CIMIP6: variants seen among roughly 807,000 people sequenced by gnomAD.
CIMIP6 encodes ciliary microtubule inner protein 6, also known as uncharacterized protein C2orf73.
the CIMIP6 span, among the ~76,000 whole-genome samples, chr2:54,362,867 A>T: frequency 6.6e-6 from 1 of 152,160 alleles, no homozygotes; most frequent in East Asian, 1.9e-4. Flanking sequence ...TTCTCATGGT[A>T]CTTCGCCACT....
chr2:54,382,084 A>G, the CIMIP6 span: 2 of 1,359,960 alleles, frequency 1.5e-6, no homozygotes, highest in South Asian at 3.5e-5. Context: ...TAATAAAGTC[A>G]GTCTGATTAC....
At chr2:54,355,154 T>G in the CIMIP6 span, among the ~76,000 whole-genome samples, 1 of 151,548 alleles carries the variant, frequency 6.6e-6, no homozygotes, top group Non-Finnish European at 1.5e-5. Flanking sequence ...CTTTTAATAT[T>G]AAAAAAATTA....
the CIMIP6 span, chr2:54,360,071 C>A: frequency 1.8e-6 from 2 of 1,130,298 alleles, no homozygotes; most frequent in South Asian, 2.0e-5. Flanking sequence ...ACTGAGGTGA[C>A]ACCAATGAAG....
At chr2:54,334,577 G>A in the CIMIP6 span, among the ~76,000 whole-genome samples, 1 of 152,156 alleles carries the variant, frequency 6.6e-6, no homozygotes, top group Non-Finnish European at 1.5e-5. Context: ...AAGAGTTGGT[G>A]CACTGCACTG....
chr2:54,343,404 C>T, the CIMIP6 span, among the ~76,000 whole-genome samples: 1 of 152,044 alleles, frequency 6.6e-6, no homozygotes, highest in Non-Finnish European at 1.5e-5. Context: ...TACACGTGTA[C>T]ATATATAATA....
At chr2:54,368,766 T>A in the CIMIP6 span, among the ~76,000 whole-genome samples, 1 of 152,222 alleles carries the variant, frequency 6.6e-6, no homozygotes, top group Non-Finnish European at 1.5e-5. Context: ...GTAGTTTCCC[T>A]GATTGGCATT....
At chr2:54,382,085 G>T in the CIMIP6 span, 1 of 1,352,444 alleles carries the variant, frequency 7.4e-7, no homozygotes, top group Non-Finnish European at 9.7e-7. Flanking sequence ...AATAAAGTCA[G>T]TCTGATTACA....
chr2:54,360,472 A>G, the CIMIP6 span: 1 of 1,580,168 alleles, frequency 6.3e-7, no homozygotes, highest in Admixed American at 1.8e-5. Flanking sequence ...AGAGCAGAGA[A>G]AAGACCTCAG....
chr2:54,361,973 A>G, the CIMIP6 span, among the ~76,000 whole-genome samples: 1 of 152,208 alleles, frequency 6.6e-6, no homozygotes, highest in Non-Finnish European at 1.5e-5. Context: ...CCACTCATAT[A>G]ACCAGGAAGA....
chr2:54,368,192 A>C, the CIMIP6 span, among the ~76,000 whole-genome samples: 1 of 152,180 alleles, frequency 6.6e-6, no homozygotes, highest in Non-Finnish European at 1.5e-5. Flanking sequence ...TTGTTTCTTT[A>C]CAGTAGTTTC....
chr2:54,352,633 A>C, the CIMIP6 span, among the ~76,000 whole-genome samples: 1 of 152,310 alleles, frequency 6.6e-6, no homozygotes, highest in South Asian at 2.1e-4. Flanking sequence ...TTGCACAGTC[A>C]TCCCTCAGTA....
chr2:54,333,436 T>A, the CIMIP6 span, among the ~76,000 whole-genome samples: 1 of 151,952 alleles, frequency 6.6e-6, no homozygotes, highest in African/African-American at 2.4e-5. Context: ...GGAAAAGAGA[T>A]TGATGTGTCC....
At chr2:54,343,368 A>C in the CIMIP6 span, among the ~76,000 whole-genome samples, 1 of 152,250 alleles carries the variant, frequency 6.6e-6, no homozygotes, top group South Asian at 2.1e-4. Context: ...TTACAACATA[A>C]TTTTTTAAAT....
the CIMIP6 span, among the ~76,000 whole-genome samples, chr2:54,354,487 C>T: frequency 9.3e-3 from 1,418 of 152,174 alleles, 26 homozygotes; most frequent in African/African-American, 0.033. Flanking sequence ...CTATTCAGTT[C>T]TACTTTTAGG....
the CIMIP6 span, chr2:54,382,043 T>C: frequency 6.9e-7 from 1 of 1,446,582 alleles, no homozygotes; most frequent in East Asian, 2.7e-5. Context: ...AGAAGTTAGG[T>C]AGCTCACTCC....
At chr2:54,331,691 G>C in the CIMIP6 span, among the ~76,000 whole-genome samples, 10 of 151,966 alleles carry the variant, frequency 6.6e-5, no homozygotes, top group Admixed American at 2.6e-4. Context: ...GAGACACACA[G>C]AATCAGAAAC....
the CIMIP6 span, among the ~76,000 whole-genome samples, chr2:54,354,409 T>C: frequency 5.9e-5 from 9 of 152,256 alleles, no homozygotes; most frequent in African/African-American, 1.9e-4. Flanking sequence ...GGTGACATTA[T>C]ATATTAATTT....
At chr2:54,332,818 A>G in the CIMIP6 span, among the ~76,000 whole-genome samples, 3 of 152,254 alleles carry the variant, frequency 2.0e-5, no homozygotes, top group East Asian at 5.8e-4. Flanking sequence ...ACAATAATAA[A>G]TTAATTGACC....
chr2:54,345,014 C>T, the CIMIP6 span, among the ~76,000 whole-genome samples: 2 of 152,108 alleles, frequency 1.3e-5, no homozygotes, highest in African/African-American at 2.4e-5. Flanking sequence ...TTAATTCCCA[C>T]ATGAACTCTA....
Sources: gnomAD v4.1 joint callset for allele counts (sites outside exome capture counted in the v4.1 genomes callset) on GRCh38, gnomAD v4.1.1 for gene constraint, MANE v1.5 for transcripts, NCBI Gene and HGNC (gene_info 2026-07-23, HGNC 2026-07-21) for gene names.